The following TMEM217B variants were observed in gnomAD, a reference collection of about 807,000 sequenced individuals.
The protein encoded by TMEM217B is transmembrane protein 217B, also known as putative transmembrane protein 217B.
chr6:37,247,450 C>T, the TMEM217B span, among the ~76,000 whole-genome samples: 4 of 148,930 alleles, frequency 2.7e-5, no homozygotes, highest in African/African-American at 7.4e-5. Context: ...TGCGGTGACG[C>T]GACCTCAGCT....
At chr6:37,247,628 C>T in the TMEM217B span, among the ~76,000 whole-genome samples, 1 of 152,112 alleles carries the variant, frequency 6.6e-6, no homozygotes, top group African/African-American at 2.4e-5. Context: ...CCTCGTGATT[C>T]ACCCACTTCG....
At chr6:37,251,308 G>A in the TMEM217B span, among the ~76,000 whole-genome samples, 1 of 140,474 alleles carries the variant, frequency 7.1e-6, no homozygotes, top group African/African-American at 2.6e-5. Context: ...CAAAAGGACT[G>A]ACCTATGATA....
chr6:37,242,534 C>G, the TMEM217B span, among the ~76,000 whole-genome samples: 1 of 152,172 alleles, frequency 6.6e-6, no homozygotes, highest in South Asian at 2.1e-4. Flanking sequence ...GCCTGTCATG[C>G]TTTGGTGGTG....
At chr6:37,228,342 T>A in the TMEM217B span, among the ~76,000 whole-genome samples, 3 of 152,248 alleles carry the variant, frequency 2.0e-5, no homozygotes, top group African/African-American at 7.2e-5. Context: ...TAATAGGTTG[T>A]GCTGTTCAAA....
At chr6:37,215,571 A>G in the TMEM217B span, among the ~76,000 whole-genome samples, 346 of 10,814 alleles carry the variant, frequency 0.032, 1 homozygote, top group Middle Eastern at 0.091. Context: ...ACTCTGTCTC[A>G]AAAAAAAAAA....
At chr6:37,250,172 G>A in the TMEM217B span, among the ~76,000 whole-genome samples, 1 of 152,128 alleles carries the variant, frequency 6.6e-6, no homozygotes, top group East Asian at 1.9e-4. Flanking sequence ...ACAATATTAT[G>A]TTACTTAAGG....
chr6:37,239,515 A>T, the TMEM217B span, among the ~76,000 whole-genome samples: 1 of 152,060 alleles, frequency 6.6e-6, no homozygotes, highest in Non-Finnish European at 1.5e-5. Context: ...TAAGTAAATA[A>T]AATTCTAAGA....
the TMEM217B span, among the ~76,000 whole-genome samples, chr6:37,231,900 C>A: frequency 6.6e-6 from 1 of 151,384 alleles, no homozygotes; most frequent in Non-Finnish European, 1.5e-5. Flanking sequence ...GTCTTCCTGA[C>A]TGTGTGGCTA....
At chr6:37,233,283 C>T in the TMEM217B span, among the ~76,000 whole-genome samples, 322 of 152,320 alleles carry the variant, frequency 2.1e-3, 1 homozygote, top group Middle Eastern at 0.02. Context: ...CATCAACTCT[C>T]CTTCCCACCA....
the TMEM217B span, among the ~76,000 whole-genome samples, chr6:37,213,783 C>T: frequency 4.6e-5 from 7 of 152,238 alleles, no homozygotes; most frequent in Admixed American, 3.3e-4. Context: ...ACAGCGCAAA[C>T]GTTCCTCCAC....
chr6:37,219,118 C>CT, the TMEM217B span: 1 of 1,279,424 alleles, frequency 7.8e-7, no homozygotes, highest in Non-Finnish European at 1.1e-6. Flanking sequence ...TGCCTCCTTC[C>CT]CCAAATCTAC....
chr6:37,250,463 G>A, the TMEM217B span, among the ~76,000 whole-genome samples: 1 of 152,212 alleles, frequency 6.6e-6, no homozygotes, highest in Non-Finnish European at 1.5e-5. Flanking sequence ...AGGATGTGGA[G>A]CAATGTAAAC....
At chr6:37,230,954 T>TTTG in the TMEM217B span, among the ~76,000 whole-genome samples, 1 of 152,132 alleles carries the variant, frequency 6.6e-6, no homozygotes, top group African/African-American at 2.4e-5. Context: ...ATTGTTTGTT[T>TTTG]TTGTTGTTGT....
At chr6:37,223,675 A>T in the TMEM217B span, among the ~76,000 whole-genome samples, 1 of 151,660 alleles carries the variant, frequency 6.6e-6, no homozygotes, top group African/African-American at 2.4e-5. Flanking sequence ...TGCCCAGCTA[A>T]TTTTTGCATT....
At chr6:37,213,013 A>G in the TMEM217B span, 1 of 1,510,662 alleles carries the variant, frequency 6.6e-7, no homozygotes, top group Non-Finnish European at 8.9e-7. Context: ...GAAGAAAATC[A>G]TACAGACACG....
At chr6:37,249,333 G>C in the TMEM217B span, among the ~76,000 whole-genome samples, 1 of 151,684 alleles carries the variant, frequency 6.6e-6, no homozygotes, top group Non-Finnish European at 1.5e-5. Context: ...CTTTTTTTGA[G>C]GGGGGAGACA....
At chr6:37,247,226 A>G in the TMEM217B span, among the ~76,000 whole-genome samples, 1 of 152,100 alleles carries the variant, frequency 6.6e-6, no homozygotes, top group African/African-American at 2.4e-5. Flanking sequence ...TACCATGTAG[A>G]GCTACTTATG....
At chr6:37,243,593 G>GGTTTT in the TMEM217B span, among the ~76,000 whole-genome samples, 9 of 152,096 alleles carry the variant, frequency 5.9e-5, no homozygotes, top group Non-Finnish European at 1.2e-4. Flanking sequence ...CAGAGGTTAG[G>GGTTTT]GTTTTGTTTT....
chr6:37,229,342 T>TG, the TMEM217B span, among the ~76,000 whole-genome samples: 3 of 125,762 alleles, frequency 2.4e-5, no homozygotes, highest in Non-Finnish European at 5.0e-5. Flanking sequence ...TCAGTTTTTT[T>TG]TTTTTTTTTT....
Sources: gnomAD v4.1 joint callset for allele counts (sites outside exome capture counted in the v4.1 genomes callset) on GRCh38, gnomAD v4.1.1 for gene constraint, MANE v1.5 for transcripts, NCBI Gene and HGNC (gene_info 2026-07-23, HGNC 2026-07-21) for gene names.